The following FAM135B variants were observed in gnomAD, a reference collection of about 807,000 sequenced individuals.
FAM135B encodes family with sequence similarity 135 member B.
Under a neutral mutation model 127.7 loss-of-function variants are expected in FAM135B, and 43 were observed. That is an observed-to-expected ratio of 0.34 (90% CI 0.26 to 0.43). The LOEUF (loss-of-function observed/expected upper bound fraction) is 0.43, where lower values mean the gene tolerates loss of function less well. Ranked by LOEUF, FAM135B falls within the 20% of genes least tolerant of loss-of-function variation. The probability of loss-of-function intolerance (pLI) is 1.00; values close to 1 mark genes in which losing one functional copy is unlikely to be tolerated. For missense variants in FAM135B, 1,558 were observed against 1,725.6 expected, an observed-to-expected ratio of 0.90 and a Z score of 1.72; for synonymous variants, 670 against 665.1, an observed-to-expected ratio of 1.01 and a Z score of -0.11.
intron 1 of FAM135B, among the ~76,000 whole-genome samples, chr8:138,434,530 A>C (rs1835359388): frequency 6.6e-6 from 1 of 152,216 alleles, no homozygotes; most frequent in Non-Finnish European, 1.5e-5. Flanking sequence ...TTTCAATTAA[A>C]GAGTGTCAGA....
chr8:138,460,455 CA>C (rs531923930), intron 1 of FAM135B, among the ~76,000 whole-genome samples: 5 of 152,172 alleles, frequency 3.3e-5, no homozygotes, highest in Non-Finnish European at 7.3e-5. Flanking sequence ...AGGGACATGG[CA>C]AAGGTCTCAG....
intron 1 of FAM135B, among the ~76,000 whole-genome samples, chr8:138,391,051 A>T (rs1006869349): frequency 6.6e-6 from 1 of 152,120 alleles, no homozygotes; most frequent in Non-Finnish European, 1.5e-5. Context: ...GGGCAGCAGC[A>T]GATCACTTCC....
At chr8:138,200,808 T>C (rs1328654229) in intron 7 of FAM135B, among the ~76,000 whole-genome samples, 2 of 152,226 alleles carry the variant, frequency 1.3e-5, no homozygotes, top group African/African-American at 2.4e-5. Flanking sequence ...TCACCAAATA[T>C]TGGAATTCTT....
chr8:138,288,438 G>C (rs1322461080), intron 3 of FAM135B, among the ~76,000 whole-genome samples: 2 of 152,138 alleles, frequency 1.3e-5, no homozygotes, highest in Non-Finnish European at 2.9e-5. Flanking sequence ...TTCAGAGCTA[G>C]GGAAGCCCTT....
intron 3 of FAM135B, among the ~76,000 whole-genome samples, chr8:138,291,334 T>C (rs1825094849): frequency 6.6e-6 from 1 of 152,146 alleles, no homozygotes; most frequent in Non-Finnish European, 1.5e-5. Context: ...CTGGCAGAAC[T>C]TAGGCATAAA....
At chr8:138,202,960 T>A (rs1028324902) in intron 7 of FAM135B, among the ~76,000 whole-genome samples, 3 of 152,184 alleles carry the variant, frequency 2.0e-5, no homozygotes, top group African/African-American at 7.2e-5. Context: ...CACTAGCAGG[T>A]TGCCTGAGCT....
chr8:138,370,576 G>T (rs993674284), intron 1 of FAM135B, among the ~76,000 whole-genome samples: 10 of 151,778 alleles, frequency 6.6e-5, no homozygotes, highest in Non-Finnish European at 8.8e-5. Flanking sequence ...TCAGCCTCCC[G>T]AGTAGCTGGG....
At chr8:138,295,087 C>A (rs908485929) in intron 3 of FAM135B, among the ~76,000 whole-genome samples, 4 of 146,590 alleles carry the variant, frequency 2.7e-5, no homozygotes, top group African/African-American at 1.0e-4. Context: ...AATGTCAATA[C>A]CACCCTTGCT....
chr8:138,250,764 G>A (rs940396769), intron 6 of FAM135B, 77 bp downstream of exon 6: 3 of 1,532,636 alleles, frequency 2.0e-6, no homozygotes. Context: ...ATCTCTCCTG[G>A]AAAACTCCCT....
intron 1 of FAM135B, among the ~76,000 whole-genome samples, chr8:138,495,765 G>A (rs906203307): frequency 6.6e-5 from 10 of 152,190 alleles, no homozygotes; most frequent in Non-Finnish European, 8.8e-5. Flanking sequence ...CCATCACACT[G>A]TATGGACAGC....
chr8:138,415,153 G>C (rs577204905), intron 1 of FAM135B, among the ~76,000 whole-genome samples: 3 of 152,268 alleles, frequency 2.0e-5, no homozygotes, highest in African/African-American at 7.2e-5. Flanking sequence ...CAAGAACTTG[G>C]TTTCAACCTC....
chr8:138,386,247 AC>A (rs1328271711), intron 1 of FAM135B, among the ~76,000 whole-genome samples: 2 of 151,988 alleles, frequency 1.3e-5, no homozygotes, highest in Admixed American at 1.3e-4. Flanking sequence ...AAAAACAAAA[AC>A]CAACAAACAA....
At chr8:138,318,292 C>T (rs1675853969) in intron 2 of FAM135B, among the ~76,000 whole-genome samples, 3 of 152,174 alleles carry the variant, frequency 2.0e-5, no homozygotes, top group African/African-American at 7.2e-5. Flanking sequence ...ACATGAATCC[C>T]ATCAGCACCG....
chr8:138,132,644 T>C lies in FAM135B; in HGVS notation c.4170A>G (p.Glu1390=). Residue 1390 remains glutamate, a synonymous_variant, in exon 20 of 20, where the codon GAA becomes GAG. Coordinates refer to ENST00000395297, the MANE Select transcript of FAM135B (RefSeq NM_015912.4). This position sits in a 1 kb window ranked among gnomAD's most constrained non-coding sequence, Gnocchi z 4.5. The part of the protein sequence containing the change: ...RAAHIAVLDS[E]LFLEKFFLVA... ...CCAAGAAAAACTTCTCCAGGAAGAGTTCTGAATCCAGCACAGCGATGTGAG... is the reference window on the plus strand; with the variant it reads ...CCAAGAAAAACTTCTCCAGGAAGAGCTCTGAATCCAGCACAGCGATGTGAG... 1.2e-6 allele frequency: 2 copies of C among 1,613,722 alleles called. No individual in the cohort carries two copies. Among genetic ancestry groups the C allele is most frequent in the South Asian group, 1.1e-5 (1 of 91,030 alleles).
At chr8:138,144,839 C>T (rs1331522494) in intron 15 of FAM135B, among the ~76,000 whole-genome samples, 2 of 152,216 alleles carry the variant, frequency 1.3e-5, no homozygotes, top group East Asian at 1.9e-4. Flanking sequence ...TGTGCACACC[C>T]GGAAGGATTA....
At chr8:138,303,586 G>C (rs892114951) in intron 3 of FAM135B, among the ~76,000 whole-genome samples, 3 of 152,084 alleles carry the variant, frequency 2.0e-5, no homozygotes, top group African/African-American at 7.2e-5. Flanking sequence ...ATGTATCCCA[G>C]AACTTAAAGT....
intron 2 of FAM135B, among the ~76,000 whole-genome samples, chr8:138,358,082 A>G (rs1830201384): frequency 6.6e-6 from 1 of 152,140 alleles, no homozygotes; most frequent in Admixed American, 6.6e-5. Flanking sequence ...GCAAGAGAGC[A>G]TGTGTAGGGG....
chr8:138,315,328 T>C (rs1267704127), intron 2 of FAM135B, among the ~76,000 whole-genome samples: 15 of 152,120 alleles, frequency 9.9e-5, no homozygotes, highest in Non-Finnish European at 1.5e-5. Flanking sequence ...CCAGTGTTGA[T>C]GAGAATGTGG....
At chr8:138,236,797 T>C (rs1207338354) in intron 7 of FAM135B, among the ~76,000 whole-genome samples, 1 of 152,234 alleles carries the variant, frequency 6.6e-6, no homozygotes, top group Non-Finnish European at 1.5e-5. Context: ...TAATTTTTAA[T>C]TATTCCTTTG....
Sources: gnomAD v4.1 joint callset for allele counts (sites outside exome capture counted in the v4.1 genomes callset) on GRCh38, gnomAD v4.1.1 for gene constraint, Gnocchi (gnomAD v3.1) non-coding constraint, MANE v1.5 for transcripts, NCBI Gene and HGNC (gene_info 2026-07-23, HGNC 2026-07-21) for gene names.